SAP130: variants seen among roughly 807,000 people sequenced by gnomAD.
SAP130 encodes the protein Sin3A associated protein 130, also known as histone deacetylase complex subunit SAP130.
Under a neutral mutation model 103.2 loss-of-function variants are expected in SAP130, and 16 were observed. That is an observed-to-expected ratio of 0.16 (90% CI 0.10 to 0.24). The LOEUF (loss-of-function observed/expected upper bound fraction) is 0.24. SAP130 is among the 10% of genes least tolerant of loss of function. The probability of loss-of-function intolerance (pLI) is 1.00; values close to 1 mark genes in which losing one functional copy is unlikely to be tolerated. For synonymous variants in SAP130, 477 were observed against 497.0 expected, an observed-to-expected ratio of 0.96 and a Z score of 0.53; for missense variants, 990 against 1,359.7, an observed-to-expected ratio of 0.73 and a Z score of 4.28.
At position 127,955,764 on chromosome 2, in the gene SAP130, A is replaced by G. The variant is rs1679797515; in HGVS notation, c.2064-420T>C. Reference sequence around the variant, plus strand: ...CGGCCTCCCAAAGTGATGGGATTACAGGTGTGAGCCACCACACCCAGCTCT... The same window carrying G: ...CGGCCTCCCAAAGTGATGGGATTACGGGTGTGAGCCACCACACCCAGCTCT... On this transcript the variant is annotated intron_variant, in intron 15 of 20. Coordinates refer to ENST00000643581, the MANE Select transcript of SAP130 (RefSeq NM_001330301.2). The surrounding 1 kb of genome is among the most constrained non-coding windows in gnomAD (Gnocchi z 4.9). Among the ~76,000 whole-genome samples, 1 of 152,226 alleles carries G rather than the reference A, an allele frequency of 6.6e-6. No homozygotes were observed. Among genetic ancestry groups the G allele is most frequent in the Non-Finnish European group, 1.5e-5 (1 of 68,034 alleles).
intron 13 of SAP130, 102 bp from the exon 14 acceptor site, chr2:127,987,064 T>C (rs1426621395): frequency 5.0e-6 from 5 of 1,008,220 alleles, no homozygotes; most frequent in Admixed American, 2.4e-5. Flanking sequence ...TAGGTATCCA[T>C]GTTCTAACTG....
intron 7 of SAP130, among the ~76,000 whole-genome samples, chr2:128,002,159 C>T (rs1175097071): frequency 1.3e-5 from 2 of 152,088 alleles, no homozygotes; most frequent in Non-Finnish European, 2.9e-5. Context: ...TCTCTTGATC[C>T]GCCCGCCCTG....
In SAP130 at chr2:127,953,914, T is replaced by C. The variant is rs1679659479; in HGVS notation, c.2422+1072A>G. Among the ~76,000 whole-genome samples, 1 of 151,978 alleles carries C rather than the reference T, an allele frequency of 6.6e-6. No individual in the cohort carries two copies. Among genetic ancestry groups the C allele is most frequent in the South Asian group, 2.1e-4 (1 of 4,832 alleles). On this transcript the variant is annotated intron_variant, in intron 16 of 20. Coordinates refer to ENST00000643581, the MANE Select transcript of SAP130 (RefSeq NM_001330301.2). The surrounding 1 kb of genome is among the most constrained non-coding windows in gnomAD (Gnocchi z 4.0). ...TACATACATATATAATTTAGTCATCTTTTTGCTTTTGTCTCCCTTGCTAGA... is the reference window on the plus strand; with the variant it reads ...TACATACATATATAATTTAGTCATCCTTTTGCTTTTGTCTCCCTTGCTAGA...
chr2:127,981,797 G>A (rs1212531280), intron 14 of SAP130, among the ~76,000 whole-genome samples: 2 of 135,492 alleles, frequency 1.5e-5, no homozygotes, highest in Non-Finnish European at 3.2e-5. Flanking sequence ...CAGTCCTCCT[G>A]CACCCTCGAC....
At chr2:128,026,906 C>G (rs1235021540) in intron 1 of SAP130, among the ~76,000 whole-genome samples, 1 of 152,216 alleles carries the variant, frequency 6.6e-6, no homozygotes, top group Non-Finnish European at 1.5e-5. Context: ...TCGCCCCCCA[C>G]TTTTCCCTCA....
intron 19 of SAP130, among the ~76,000 whole-genome samples, chr2:127,943,287 G>C (rs1321765989): frequency 1.3e-5 from 2 of 152,212 alleles, no homozygotes; most frequent in African/African-American, 4.8e-5. Context: ...CTCTTCACCT[G>C]CTGGTGAAGG....
At chr2:127,981,725 C>T (rs1425346592) in intron 14 of SAP130, among the ~76,000 whole-genome samples, 1 of 79,628 alleles carries the variant, frequency 1.3e-5, no homozygotes, top group Non-Finnish European at 2.6e-5. Flanking sequence ...CCTGCACCCC[C>T]GACAGCTCCC....
chr2:128,027,916 C>G (rs1192545331), intron 1 of SAP130, 24 bp downstream of exon 1: 1 of 985,352 alleles, frequency 1.0e-6, no homozygotes, highest in Non-Finnish European at 1.2e-6. Context: ...CCCCTTCCCT[C>G]CCGGGCGCCC....
chr2:127,993,170 A>C lies in SAP130; in HGVS notation c.1477+17T>G. ...AAGTTAAACTGTGAAAAGTCATCTA[A>C]AAAGCAGGGCTCATACCTGGATACT... On this transcript the variant is annotated intron_variant, in intron 12 of 20. Coordinates refer to ENST00000643581, the MANE Select transcript of SAP130 (RefSeq NM_001330301.2). 1 of 1,613,562 alleles carries C rather than the reference A, an allele frequency of 6.2e-7. No homozygotes were observed. The highest frequency in any genetic ancestry group is 8.5e-7 in the Non-Finnish European group (1 of 1,179,776).
intron 12 of SAP130, among the ~76,000 whole-genome samples, chr2:127,990,980 G>A (rs1435145575): frequency 6.6e-6 from 1 of 151,688 alleles, no homozygotes; most frequent in African/African-American, 2.4e-5. Context: ...GCCAGGCACG[G>A]TGGCTCACGC....
At chr2:127,967,676 G>A (rs530247956) in intron 15 of SAP130, among the ~76,000 whole-genome samples, 3 of 152,284 alleles carry the variant, frequency 2.0e-5, no homozygotes, top group East Asian at 1.9e-4. Context: ...GATTACAGGC[G>A]TGAGCCACTG....
At chr2:128,027,216 G>C (rs909063772) in intron 1 of SAP130, 1 of 1,207,006 alleles carries the variant, frequency 8.3e-7, no homozygotes, top group East Asian at 3.5e-5. Context: ...CGGCGGCGGC[G>C]CCCGGGGCCC....
intron 6 of SAP130, 54 bp from the exon 7 acceptor site, chr2:128,010,447 C>A: frequency 6.5e-7 from 1 of 1,539,184 alleles, no homozygotes; most frequent in Non-Finnish European, 8.9e-7. Flanking sequence ...TAGAGGAAGT[C>A]AAATACTAAA....
intron 10 of SAP130, among the ~76,000 whole-genome samples, 189 bp downstream of exon 10, chr2:127,999,552 C>A (rs749378697): frequency 6.7e-6 from 1 of 149,634 alleles, no homozygotes; most frequent in Admixed American, 6.7e-5. Context: ...TGCAGTGAGT[C>A]GAGATCACGT....
rs1450716925 is a variant in SAP130, at chr2:127,942,334, G to C, written c.3015+90C>G. 1 of 1,100,844 alleles carries C rather than the reference G, an allele frequency of 9.1e-7. No homozygotes were observed. Among genetic ancestry groups the C allele is most frequent in the Non-Finnish European group, 1.4e-6 (1 of 725,836 alleles). The allele number at this position is 1,100,844 out of a possible 1,614,324, so 68.2% of individuals were successfully genotyped here. Reference sequence around the variant, plus strand: ...GCACGTATGTTTTTACTGAAGATATGAGGGAGACGGGGGGAAACGGGAGAA... The same window carrying C: ...GCACGTATGTTTTTACTGAAGATATCAGGGAGACGGGGGGAAACGGGAGAA... On this transcript the variant is annotated intron_variant, in intron 20 of 20. Coordinates refer to ENST00000643581, the MANE Select transcript of SAP130 (RefSeq NM_001330301.2). This position sits in a 1 kb window ranked among gnomAD's most constrained non-coding sequence, Gnocchi z 4.8.
intron 6 of SAP130, among the ~76,000 whole-genome samples, chr2:128,011,959 C>T (rs565254364): frequency 3.5e-4 from 54 of 152,178 alleles, no homozygotes; most frequent in African/African-American, 1.1e-3. Context: ...ATTACAGGCA[C>T]GCACCACCAT....
intron 14 of SAP130, among the ~76,000 whole-genome samples, chr2:127,983,450 C>T (rs930144824): frequency 3.9e-5 from 6 of 152,158 alleles, no homozygotes; most frequent in Non-Finnish European, 1.5e-5. Flanking sequence ...GGCAGTGAGG[C>T]ATGACAAGGA....
chr2:128,025,255 T>C (rs1179577248), intron 2 of SAP130, among the ~76,000 whole-genome samples: 1 of 152,234 alleles, frequency 6.6e-6, no homozygotes, highest in Non-Finnish European at 1.5e-5. Context: ...CCTTGCAGGA[T>C]GTTAAGCAGT....
At chr2:127,983,927 T>A (rs1232099816) in intron 14 of SAP130, among the ~76,000 whole-genome samples, 3 of 151,286 alleles carry the variant, frequency 2.0e-5, no homozygotes, top group Non-Finnish European at 2.9e-5. Context: ...TTGGGTTTTA[T>A]ATTTGCAGTT....
Sources: allele counts gnomAD v4.1 joint callset (sites outside exome capture counted in the v4.1 genomes callset), GRCh38; gene constraint gnomAD v4.1.1; non-coding constraint Gnocchi (gnomAD v3.1); transcripts MANE v1.5; gene names NCBI Gene and HGNC (gene_info 2026-07-23, HGNC 2026-07-21).